RGS12: variants seen among roughly 807,000 people sequenced by gnomAD.
RGS12 encodes the protein regulator of G-protein signaling 12.
A neutral mutation model predicts 120.1 loss-of-function variants in RGS12; 66 were observed. The ratio of observed to expected loss-of-function variants is 0.55; its 90% confidence interval spans 0.45 to 0.67. The LOEUF is 0.67. RGS12 is among the 30% of genes least tolerant of loss of function. The pLI is 0.00. For missense variants in RGS12, 1,859 were observed against 1,957.7 expected (o/e 0.95, Z 0.95); for synonymous variants, 827 against 804.7 (o/e 1.03, Z -0.47).
Position 3,424,939 on chromosome 4 carries a change from T to C in RGS12, c.3235-525T>C, listed in dbSNP as rs955839052. ...TGTCATTCCCCTGACTGACAGATCGTGAATGCCAAACATGTTCAGATGTCT... is the reference window on the plus strand; with the variant it reads ...TGTCATTCCCCTGACTGACAGATCGCGAATGCCAAACATGTTCAGATGTCT... On this transcript the variant is annotated intron_variant, in intron 13 of 17. Transcript: ENST00000336727. 2.0e-4 allele frequency among the ~76,000 whole-genome samples: 31 copies of C among 152,334 alleles called. 2 individuals carry two copies. The highest frequency in any genetic ancestry group is 7.5e-4 in the African/African-American group (31 of 41,570).
At chr4:3,432,008 G>A (rs1724354782) in intron 17 of RGS12, 2 of 985,308 alleles carry the variant, frequency 2.0e-6, no homozygotes, top group African/African-American at 1.7e-5. Flanking sequence ...GCCAGGACAC[G>A]CCTGGATGAG....
In RGS12 at chr4:3,439,747, T is replaced by G. The variant is rs1725166499; in HGVS notation, c.*63T>G. On this transcript the variant is annotated 3_prime_UTR_variant, in exon 18 of 18. Coordinates refer to ENST00000336727, the MANE Select transcript of RGS12 (RefSeq NM_001394154.1). ...GGGGTGGGGCAGCCCAGGTGGATTC[T>G]GTGGGCCTCAGGGGGGCCACCCTGG... is the stretch of plus-strand genomic sequence containing the variant. The G allele has an allele frequency of 7.1e-7, 1 of 1,415,402 alleles. No individual in the cohort carries two copies. The highest frequency in any genetic ancestry group is 9.3e-7 in the Non-Finnish European group (1 of 1,072,628). 87.7% of individuals were successfully genotyped at this position (1,415,402 alleles called of 1,614,324 possible). A position where few individuals can be genotyped will look rare whatever the true frequency, so the allele number is the denominator to read the frequency against.
intron 1 of RGS12, among the ~76,000 whole-genome samples, chr4:3,298,491 C>G (rs1723501960): frequency 1.3e-5 from 2 of 152,190 alleles, no homozygotes; most frequent in South Asian, 4.1e-4. Flanking sequence ...GCTGGGAACA[C>G]AAGCATGCAC....
intron 2 of RGS12, among the ~76,000 whole-genome samples, chr4:3,323,366 A>ATGC (rs758253294): frequency 3.3e-5 from 5 of 152,234 alleles, no homozygotes; most frequent in Admixed American, 6.5e-5. Context: ...AGAGCCTTAG[A>ATGC]TGCTGCTGCT....
Position 3,317,316 on chromosome 4 carries a change from C to T in RGS12, c.1146C>T (p.Val382=). ...AATTCCCGGCGTCCTCCCTCCCCGT[C>T]CTGCAGTTCATCTCTGTCCTGTACC... The part of the protein sequence containing the change: ...CLEFPASSLP[V]LQFISVLYRD... Residue 382 remains valine, a synonymous_variant, in exon 2 of 18, where the codon GTC becomes GTT. Coordinates refer to ENST00000336727, the MANE Select transcript of RGS12 (RefSeq NM_001394154.1). The T allele has an allele frequency of 6.2e-7, 1 of 1,614,150 alleles. No individual in the cohort carries two copies. Among genetic ancestry groups the T allele is most frequent in the Non-Finnish European group, 8.5e-7 (1 of 1,180,038 alleles).
intron 3 of RGS12, among the ~76,000 whole-genome samples, chr4:3,367,760 T>A (rs1359657303): frequency 6.6e-6 from 1 of 151,490 alleles, no homozygotes; most frequent in African/African-American, 2.4e-5. Context: ...GCAGGGGAGG[T>A]CAGCAGCTGC....
chr4:3,310,744 G>A (rs1195784554), intron 1 of RGS12, among the ~76,000 whole-genome samples: 4 of 152,244 alleles, frequency 2.6e-5, no homozygotes, highest in Admixed American at 2.6e-4. Context: ...GGTGGTGGGG[G>A]GAGGCTGCTG....
At chr4:3,332,287 G>T (rs1711945943) in intron 2 of RGS12, among the ~76,000 whole-genome samples, 1 of 152,194 alleles carries the variant, frequency 6.6e-6, no homozygotes, top group African/African-American at 2.4e-5. Context: ...GATTCGTTTT[G>T]CTGCTGCTTC....
chr4:3,342,005 G>C (rs1713283567), intron 2 of RGS12, among the ~76,000 whole-genome samples: 1 of 151,448 alleles, frequency 6.6e-6, no homozygotes, highest in Non-Finnish European at 1.5e-5. Flanking sequence ...TCAGCGTGGT[G>C]GTCAAGGAGA....
At position 3,431,447 on chromosome 4, in the gene RGS12, C is replaced by T. The variant is rs1724291227; in HGVS notation, c.4114+492C>T. The T allele has an allele frequency of 6.0e-6, 6 of 991,824 alleles. No homozygotes were observed. In the South Asian group the frequency reaches 2.3e-4, roughly 38 times the overall value. The allele number at this position is 991,824 out of a possible 1,614,324, so 61.4% of individuals were successfully genotyped here. ...CGTCCTCGGAAGAGCCTTGAGAGTG[C>T]AGCTCGGACCCACCGGCGGCCCCCG... On this transcript the variant is annotated intron_variant, in intron 17 of 17. Transcript: ENST00000336727.
rs144976826 is a variant in RGS12 at position 3,316,468 on chromosome 4, G to C, written c.298G>C (p.Gly100Arg). The change falls in exon 2 of 18, where the codon GGC becomes CGC. Residue 100 changes from glycine to arginine, a missense_variant. Physicochemically the swap from Gly to Arg is moderately radical, Grantham distance 125. This residue lies in a region of RGS12 where 967 missense variants were observed against 994.2 expected (regional missense o/e 0.97). Coordinates refer to ENST00000336727, the MANE Select transcript of RGS12 (RefSeq NM_001394154.1). ...VLHMVIAEGV[G>R]RFESCSSDEE... ...TCACATGGTGATTGCTGAAGGCGTCGGCCGCTTCGAATCCTGTTCCAGTGA... is the reference window on the plus strand; with the variant it reads ...TCACATGGTGATTGCTGAAGGCGTCCGCCGCTTCGAATCCTGTTCCAGTGA... The C allele has an allele frequency of 6.2e-7, 1 of 1,614,040 alleles. No individual in the cohort carries two copies. Among genetic ancestry groups the C allele is most frequent in the Non-Finnish European group, 8.5e-7 (1 of 1,180,058 alleles).
chr4:3,338,505 GT>G (rs1712719513), intron 2 of RGS12, among the ~76,000 whole-genome samples: 2 of 152,240 alleles, frequency 1.3e-5, no homozygotes, highest in Non-Finnish European at 2.9e-5. Flanking sequence ...AGTAATGCCG[GT>G]TGACCGGCCG....
At position 3,368,054 on chromosome 4, in the gene RGS12, G is replaced by A. The variant is rs543193044; in HGVS notation, c.1999-18362G>A. Among the ~76,000 whole-genome samples, 12 of 152,340 alleles carry A rather than the reference G, an allele frequency of 7.9e-5. No individual in the cohort carries two copies. In the East Asian group the frequency reaches 1.7e-3, roughly 22 times the overall value. On this transcript the variant is annotated intron_variant, in intron 3 of 17. Coordinates refer to ENST00000336727, the MANE Select transcript of RGS12 (RefSeq NM_001394154.1). The stretch of plus-strand genomic sequence containing the variant: ...TTAGCACTTAGGTGATAACCCCTCA[G>A]CAGAAGGCCCCACGCATGCCCAGGC...
intron 1 of RGS12, chr4:3,314,732 A>G (rs1578706430): frequency 1.3e-5 from 2 of 152,254 alleles, no homozygotes; most frequent in Admixed American, 6.5e-5. Flanking sequence ...AAAAAAACAT[A>G]CCCTCTATTC....
chr4:3,358,039 GT>G (rs1715059605), intron 3 of RGS12, among the ~76,000 whole-genome samples: 2 of 152,078 alleles, frequency 1.3e-5, no homozygotes, highest in African/African-American at 4.8e-5. Flanking sequence ...ATGTTTTCTA[GT>G]TTTCATTGTA....
At chr4:3,439,413 G>A in intron 17 of RGS12, 42 bp from the exon 18 acceptor site, 9 of 1,602,818 alleles carry the variant, frequency 5.6e-6, no homozygotes, top group Middle Eastern at 3.3e-4. Context: ...GGGGCCCAGG[G>A]CCGGGCCAGG....
rs139085295 is a variant in RGS12 at position 3,329,166 on chromosome 4, A to G, written c.1881+11115A>G. ...GCCTGAGCTGTGGGTCAAGAAGAGG[A>G]GAATTGGAGAGCACCAGGGGGTCAG... On this transcript the variant is annotated intron_variant, in intron 2 of 17. Coordinates refer to ENST00000336727, the MANE Select transcript of RGS12 (RefSeq NM_001394154.1). Among the ~76,000 whole-genome samples, 82 of 152,186 alleles carry G rather than the reference A, an allele frequency of 5.4e-4. 1 individual carries two copies. The East Asian group carries it at 0.015, about 28-fold the overall frequency.
At chr4:3,384,025 A>G (rs1393122710) in intron 3 of RGS12, among the ~76,000 whole-genome samples, 1 of 152,118 alleles carries the variant, frequency 6.6e-6, no homozygotes, top group East Asian at 1.9e-4. Flanking sequence ...ATGAAGTGAA[A>G]CACCTCCTTC....
rs143148636 is a variant in RGS12, at chr4:3,415,692, C to T, written c.2284-286C>T. Among the ~76,000 whole-genome samples, 8 of 152,366 alleles carry T rather than the reference C, an allele frequency of 5.3e-5. No homozygotes were observed. The East Asian group carries it at 1.3e-3, about 26-fold the overall frequency. ...CTCCTGCACTCCCACCTTGCCAAGA[C>T]CAGGTGTGTGGCGACACACGGCAGT... On this transcript the variant is annotated intron_variant, in intron 6 of 17. Coordinates refer to ENST00000336727, the MANE Select transcript of RGS12 (RefSeq NM_001394154.1).
Sources: allele counts gnomAD v4.1 joint callset (sites outside exome capture counted in the v4.1 genomes callset), GRCh38; gene constraint gnomAD v4.1.1; regional missense constraint gnomAD v4.1.1; transcripts MANE v1.5; gene names NCBI Gene and HGNC (gene_info 2026-07-23, HGNC 2026-07-21).